The following COG5 variants were observed in gnomAD, a reference collection of about 807,000 sequenced individuals.
COG5 encodes conserved oligomeric Golgi complex subunit 5.
In COG5, 86 loss-of-function variants were observed where a neutral mutation model predicts 110.4. That is an observed-to-expected ratio of 0.78 (90% confidence interval 0.65 to 0.93). COG5 has a LOEUF of 0.93. Ranked by LOEUF, COG5 falls within the 40% of genes least tolerant of loss-of-function variation. COG5 has a pLI of 0.00. For missense variants in COG5, 1,077 were observed against 987.0 expected (o/e 1.09, Z -1.22); for synonymous variants, 360 against 334.6 (o/e 1.08, Z -0.83).
rs1052023725 is a variant in COG5 at position 107,241,640 on chromosome 7, G to T, written c.1854-4953C>A. ...CTAATTTTTTTATATTTTTAGTAGA[G>T]ACGGGGTTTCACCGTGTTAGCCAGG... is the stretch of plus-strand genomic sequence containing the variant. On this transcript the variant is annotated intron_variant, in intron 17 of 21. Transcript: ENST00000297135. Among the ~76,000 whole-genome samples the T allele has an allele frequency of 2.2e-4, 34 of 151,978 alleles. 1 individual carries two copies. The highest frequency in any genetic ancestry group is 6.8e-3 in the Middle Eastern group (2 of 294).
At chr7:107,286,203 T>G (rs1161502207) in intron 12 of COG5, among the ~76,000 whole-genome samples, 1 of 151,992 alleles carries the variant, frequency 6.6e-6, no homozygotes, top group Non-Finnish European at 1.5e-5. Context: ...TGGCCAGAGG[T>G]GCAGATCAAG....
intron 10 of COG5, among the ~76,000 whole-genome samples, chr7:107,358,514 G>A (rs534945015): frequency 2.2e-4 from 34 of 152,262 alleles, no homozygotes; most frequent in African/African-American, 8.2e-4. Flanking sequence ...GCACAAAAGA[G>A]TTAACATAAC....
intron 19 of COG5, among the ~76,000 whole-genome samples, chr7:107,222,239 G>A (rs1227754159): frequency 6.6e-6 from 1 of 150,576 alleles, no homozygotes; most frequent in East Asian, 2.0e-4. Context: ...TCGCTCTGTC[G>A]CCCAGGCTGG....
rs552613036 is a variant in COG5, at chr7:107,208,057, T to C, written c.2375+2469A>G. ...GGGAAAGAAATTCATCCAGTGATGCTTCAGTATGCAAGAACAAAATTGTTT... is the reference window on the plus strand; with the variant it reads ...GGGAAAGAAATTCATCCAGTGATGCCTCAGTATGCAAGAACAAAATTGTTT... On this transcript the variant is annotated intron_variant, in intron 21 of 21. Transcript: ENST00000297135. The C allele has an allele frequency of 7.1e-6, 7 of 985,438 alleles. No homozygotes were observed. In the African/African-American group the frequency reaches 8.7e-5, roughly 12 times the overall value. The allele number at this position is 985,438 out of a possible 1,614,324, so 61.0% of individuals were successfully genotyped here.
Position 107,531,670 on chromosome 7 carries a change from C to CTTT in COG5, c.418-4316_418-4314dup, listed in dbSNP as rs111284238. Among the ~76,000 whole-genome samples the CTTT allele has an allele frequency of 2.2e-3, 305 of 137,022 alleles. 4 individuals are homozygous for CTTT. Among genetic ancestry groups the CTTT allele is most frequent in the Middle Eastern group, 3.6e-3 (1 of 274 alleles). The allele number at this position is 137,022 out of a possible 152,430, so 89.9% of individuals were successfully genotyped here. The stretch of plus-strand genomic sequence containing the variant: ...GGGAGGTGGGTGTTCTGGGGTTTTG[C>CTTT]TTTTTTTTTTTTTTGATATCATTAT... On this transcript the variant is annotated intron_variant, in intron 5 of 21. Transcript: ENST00000297135.
At chr7:107,483,706 T>TAA (rs573563571) in intron 6 of COG5, among the ~76,000 whole-genome samples, 2 of 128,350 alleles carry the variant, frequency 1.6e-5, no homozygotes, top group Non-Finnish European at 1.7e-5. Context: ...AAACTGCATC[T>TAA]AAAAAAAAAA....
At position 107,342,990 on chromosome 7, in the gene COG5, A is replaced by G. The variant is rs1157976188; in HGVS notation, c.1027-18469T>C. Reference sequence around the variant, plus strand: ...CCTAGGTGCCCATCAATAGTAGATTAGATAACAAAAATGTGGCATGTAAAC... The same window carrying G: ...CCTAGGTGCCCATCAATAGTAGATTGGATAACAAAAATGTGGCATGTAAAC... On this transcript the variant is annotated intron_variant, in intron 10 of 21. Transcript: ENST00000297135. 2.0e-5 allele frequency among the ~76,000 whole-genome samples: 3 copies of G among 152,232 alleles called. No homozygotes were observed. In the East Asian group the frequency reaches 5.8e-4, roughly 29 times the overall value.
chr7:107,329,899 A>G (rs1810099074), intron 10 of COG5, among the ~76,000 whole-genome samples: 1 of 152,216 alleles, frequency 6.6e-6, no homozygotes, highest in Non-Finnish European at 1.5e-5. Context: ...TGTCTTTAAG[A>G]AAACAAAAAC....
intron 5 of COG5, among the ~76,000 whole-genome samples, chr7:107,528,227 G>A (rs1449820774): frequency 6.6e-6 from 1 of 151,996 alleles, no homozygotes; most frequent in Non-Finnish European, 1.5e-5. Context: ...AAGTAGCTGG[G>A]ACTACAGGCG....
chr7:107,299,962 C>T (rs1241337537), intron 11 of COG5, among the ~76,000 whole-genome samples: 1 of 150,296 alleles, frequency 6.7e-6, no homozygotes, highest in Non-Finnish European at 1.5e-5. Context: ...CTCAAGCAAT[C>T]TTCCTGTCTT....
Position 107,554,265 on chromosome 7 carries a change from A to C in COG5, c.292+20T>G. 6.2e-7 allele frequency: 1 copy of C among 1,608,014 alleles called. No individual in the cohort carries two copies. The stretch of plus-strand genomic sequence containing the variant: ...CCTGGTCTAGCTCTACATAATCTCT[A>C]GCAGTTATTAGAAATATACCTTCCA... On this transcript the variant is annotated intron_variant, in intron 3 of 21. Coordinates refer to ENST00000297135, the MANE Select transcript of COG5 (RefSeq NM_006348.5).
intron 10 of COG5, among the ~76,000 whole-genome samples, chr7:107,350,469 T>C (rs1040263588): frequency 2.0e-5 from 3 of 152,200 alleles, no homozygotes; most frequent in African/African-American, 7.2e-5. Context: ...AAGTATTTCA[T>C]TTACAGATAC....
chr7:107,326,486 AGT>A (rs1437452632), intron 10 of COG5, among the ~76,000 whole-genome samples: 2 of 152,344 alleles, frequency 1.3e-5, no homozygotes, highest in Admixed American at 6.5e-5. Context: ...CATAAAAATT[AGT>A]GTGTTTCTAC....
Position 107,323,254 on chromosome 7 carries a change from C to A in COG5, c.1108+1186G>T, listed in dbSNP as rs555361194. ...TCACAAGTAAACGGAACAGGCCGGG[C>A]GCAGTGGCTCATGCCTGTAATCCCA... On this transcript the variant is annotated intron_variant, in intron 11 of 21. Coordinates refer to ENST00000297135, the MANE Select transcript of COG5 (RefSeq NM_006348.5). Among the ~76,000 whole-genome samples the A allele has an allele frequency of 3.3e-5, 5 of 152,262 alleles. No individual in the cohort carries two copies. The East Asian group carries it at 7.7e-4, about 23-fold the overall frequency.
At chr7:107,531,316 A>C (rs1175628288) in intron 5 of COG5, among the ~76,000 whole-genome samples, 1 of 152,184 alleles carries the variant, frequency 6.6e-6, no homozygotes, top group Non-Finnish European at 1.5e-5. Flanking sequence ...TGGCAAGATT[A>C]AACATTAGAG....
chr7:107,387,934 C>A (rs761715727), intron 7 of COG5, among the ~76,000 whole-genome samples: 1 of 152,220 alleles, frequency 6.6e-6, no homozygotes, highest in South Asian at 2.1e-4. Context: ...ATTGCTAGAT[C>A]AACATACACA....
At chr7:107,404,156 A>G (rs1011082563) in intron 7 of COG5, among the ~76,000 whole-genome samples, 3 of 152,356 alleles carry the variant, frequency 2.0e-5, no homozygotes, top group East Asian at 3.9e-4. Flanking sequence ...GACTCATGCT[A>G]TTTTAACTTT....
intron 6 of COG5, among the ~76,000 whole-genome samples, chr7:107,501,847 A>G (rs1255935046): frequency 6.6e-6 from 1 of 152,150 alleles, no homozygotes; most frequent in African/African-American, 2.4e-5. Context: ...AATCAAATGT[A>G]CAAACAGAAA....
At chr7:107,205,708 G>T (rs1336064754) in intron 21 of COG5, among the ~76,000 whole-genome samples, 1 of 152,040 alleles carries the variant, frequency 6.6e-6, no homozygotes, top group Non-Finnish European at 1.5e-5. Flanking sequence ...TATCTCTTAG[G>T]ACTCGGCTTC....
Sources: allele counts gnomAD v4.1 joint callset (sites outside exome capture counted in the v4.1 genomes callset), GRCh38; gene constraint gnomAD v4.1.1; transcripts MANE v1.5; gene names NCBI Gene and HGNC (gene_info 2026-07-23, HGNC 2026-07-21).